ABCC1: variants seen among roughly 807,000 people sequenced by gnomAD.
The protein encoded by ABCC1 is multidrug resistance-associated protein 1.
Under a neutral mutation model 172.9 loss-of-function variants are expected in ABCC1, and 83 were observed. That is an observed-to-expected ratio of 0.48 (90% CI 0.40 to 0.58). The LOEUF is 0.58. Ranked by LOEUF, ABCC1 falls within the 20% of genes least tolerant of loss-of-function variation. The pLI, the probability that ABCC1 is intolerant of heterozygous loss-of-function variation, is 0.00. For synonymous variants in ABCC1, 937 were observed against 825.2 expected (o/e 1.14, Z -2.32); for missense variants, 1,817 against 2,002.7 (o/e 0.91, Z 1.77).
At chr16:16,028,776 C>G (rs1401879681) in intron 5 of ABCC1, among the ~76,000 whole-genome samples, 1 of 152,122 alleles carries the variant, frequency 6.6e-6, no homozygotes, top group African/African-American at 2.4e-5. Flanking sequence ...CAAACGACTC[C>G]CATTTTCCAG....
intron 6 of ABCC1, among the ~76,000 whole-genome samples, chr16:16,034,411 T>G (rs1007936025): frequency 1.3e-5 from 2 of 152,104 alleles, no homozygotes; most frequent in Non-Finnish European, 2.9e-5. Flanking sequence ...AAAGCATCAC[T>G]GGGACAGTTG....
intron 26 of ABCC1, among the ~76,000 whole-genome samples, chr16:16,126,890 G>A (rs1476989781): frequency 1.3e-5 from 2 of 152,288 alleles, no homozygotes; most frequent in South Asian, 4.1e-4. Flanking sequence ...AAACCCTGCC[G>A]TTATTGAACC....
chr16:16,070,596 T>C (rs2050307475), intron 13 of ABCC1, among the ~76,000 whole-genome samples: 1 of 151,162 alleles, frequency 6.6e-6, no homozygotes, highest in Non-Finnish European at 1.5e-5. Context: ...ACCCGGGAGG[T>C]GGAGCTTGCA....
chr16:16,115,503 G>A (rs987001878), intron 23 of ABCC1, among the ~76,000 whole-genome samples: 1 of 151,902 alleles, frequency 6.6e-6, no homozygotes. Context: ...GCACCACCAC[G>A]GCCGGCTAAT....
intron 23 of ABCC1, among the ~76,000 whole-genome samples, chr16:16,117,206 G>T (rs530148532): frequency 1.3e-5 from 2 of 152,138 alleles, no homozygotes; most frequent in Non-Finnish European, 2.9e-5. Context: ...TCACAGTTCC[G>T]CATGGCTGAG....
At chr16:15,995,926 C>T (rs1202959264) in intron 1 of ABCC1, among the ~76,000 whole-genome samples, 1 of 151,186 alleles carries the variant, frequency 6.6e-6, no homozygotes, top group Non-Finnish European at 1.5e-5. Flanking sequence ...CCTCCTGCCT[C>T]GGTCCCCCAA....
intron 30 of ABCC1, among the ~76,000 whole-genome samples, chr16:16,139,075 C>G (rs918028459): frequency 5.3e-5 from 8 of 152,212 alleles, no homozygotes; most frequent in Admixed American, 3.9e-4. Context: ...TGTTCCCAGA[C>G]ACTGGGGACT....
intron 14 of ABCC1, among the ~76,000 whole-genome samples, chr16:16,075,895 C>T (rs1166404274): frequency 1.3e-5 from 2 of 152,146 alleles, no homozygotes; most frequent in African/African-American, 4.8e-5. Context: ...GCTGGCCACC[C>T]CAGTGGAGAG....
At chr16:16,120,342 C>G (rs3851718) in intron 23 of ABCC1, among the ~76,000 whole-genome samples, 5,215 of 152,254 alleles carry the variant, frequency 0.034, 298 homozygotes, top group African/African-American at 0.12. Context: ...TGAGAAAAAC[C>G]TAGGCTAGGA....
chr16:15,959,860 T>C (rs2046089743), intron 1 of ABCC1, among the ~76,000 whole-genome samples: 1 of 151,996 alleles, frequency 6.6e-6, no homozygotes, highest in Non-Finnish European at 1.5e-5. Flanking sequence ...TTTATGGAGG[T>C]TTTCTCTTCC....
intron 5 of ABCC1, among the ~76,000 whole-genome samples, chr16:16,019,351 G>A (rs1462148483): frequency 6.6e-6 from 1 of 151,990 alleles, no homozygotes; most frequent in East Asian, 1.9e-4. Context: ...TGATCCACCC[G>A]CCTCGGCCTC....
chr16:16,028,193 G>A (rs962705417), intron 5 of ABCC1, among the ~76,000 whole-genome samples: 4 of 152,154 alleles, frequency 2.6e-5, no homozygotes, highest in Non-Finnish European at 5.9e-5. Context: ...TGATTAAGGG[G>A]TGATATCGGG....
chr16:15,980,685 G>A (rs535824136), intron 1 of ABCC1, among the ~76,000 whole-genome samples: 2 of 152,154 alleles, frequency 1.3e-5, no homozygotes, highest in Non-Finnish European at 2.9e-5. Flanking sequence ...GATTTGGGTG[G>A]GGATACAGCT....
At chr16:16,131,051 G>T (rs1411342494) in intron 26 of ABCC1, among the ~76,000 whole-genome samples, 1 of 152,150 alleles carries the variant, frequency 6.6e-6, no homozygotes, top group Non-Finnish European at 1.5e-5. Context: ...AACCTGGGAG[G>T]CAGGGGTTGC....
intron 13 of ABCC1, among the ~76,000 whole-genome samples, chr16:16,071,070 CTTTTAT>C (rs1045021633): frequency 4.6e-5 from 7 of 151,956 alleles, no homozygotes; most frequent in Middle Eastern, 3.4e-3. Context: ...CCCTTTTCTT[CTTTTAT>C]TTTTATTTTT....
rs763320872 is a variant in ABCC1 at position 16,045,905 on chromosome 16, G to C, written c.1110G>C (p.Leu370=). 1.2e-6 allele frequency: 2 copies of C among 1,614,196 alleles called. No homozygotes were observed. The highest frequency in any genetic ancestry group is 1.7e-6 in the Non-Finnish European group (2 of 1,180,042). ...DWQGYFYTVL[L]FVTACLQTLV... Reference sequence around the variant, plus strand: ...AGGGCTACTTCTACACCGTGCTGCTGTTTGTCACTGCCTGCCTGCAGACCC... The same window carrying C: ...AGGGCTACTTCTACACCGTGCTGCTCTTTGTCACTGCCTGCCTGCAGACCC... The change falls in exon 9 of 31, where the codon CTG becomes CTC. Residue 370 remains leucine (L), a synonymous_variant. Transcript: ENST00000399410.
chr16:16,020,425 T>C (rs1416673641), intron 5 of ABCC1, among the ~76,000 whole-genome samples: 1 of 152,218 alleles, frequency 6.6e-6, no homozygotes, highest in African/African-American at 2.4e-5. Context: ...GATTAGAGTT[T>C]AGACCAGGAG....
At chr16:16,122,545 G>A (rs2051775121) in intron 24 of ABCC1, among the ~76,000 whole-genome samples, 1 of 152,060 alleles carries the variant, frequency 6.6e-6, no homozygotes, top group African/African-American at 2.4e-5. Flanking sequence ...GGTGATGTGT[G>A]TCAGAAGCAA....
rs182340884 is a variant in ABCC1, at chr16:16,110,648, C to T, written c.2872-727C>T. Among the ~76,000 whole-genome samples the T allele has an allele frequency of 2.0e-5, 3 of 152,310 alleles. No homozygotes were observed. In the East Asian group the frequency reaches 5.8e-4, roughly 29 times the overall value. On this transcript the variant is annotated intron_variant, in intron 21 of 30. Transcript: ENST00000399410. Reference sequence around the variant, plus strand: ...AGGTAATCCACCCGCCTCGGCCTACCGACGTGCTGGGATCACAGGCATGAG... The same window carrying T: ...AGGTAATCCACCCGCCTCGGCCTACTGACGTGCTGGGATCACAGGCATGAG...
Sources: allele counts gnomAD v4.1 joint callset (sites outside exome capture counted in the v4.1 genomes callset), GRCh38; gene constraint gnomAD v4.1.1; transcripts MANE v1.5; gene names NCBI Gene and HGNC (gene_info 2026-07-23, HGNC 2026-07-21).